The following SND1 variants were observed in gnomAD, a reference collection of about 807,000 sequenced individuals.
SND1 encodes the protein staphylococcal nuclease domain-containing protein 1.
Under a neutral mutation model 121.7 loss-of-function variants are expected in SND1, and 38 were observed. The observed-to-expected ratio is 0.31, with a 90% confidence interval of 0.24 to 0.41. SND1 has a LOEUF of 0.41. Among genes scored for constraint, SND1 ranks in the 10% least tolerant of loss-of-function variants. The pLI is 1.00. For synonymous variants in SND1, 401 were observed against 447.4 expected (o/e 0.90, Z 1.31); for missense variants, 868 against 1,184.6 (o/e 0.73, Z 3.92).
chr7:127,797,199 G>T (rs1040267811), intron 10 of SND1, among the ~76,000 whole-genome samples: 1 of 152,078 alleles, frequency 6.6e-6, no homozygotes, highest in African/African-American at 2.4e-5. Flanking sequence ...GGGCTATTTT[G>T]CTGATTCTTA....
intron 10 of SND1, among the ~76,000 whole-genome samples, chr7:127,802,617 C>A (rs545936605): frequency 6.6e-6 from 1 of 152,314 alleles, no homozygotes; most frequent in East Asian, 1.9e-4. Flanking sequence ...ATATTCATGA[C>A]CTTTTAATGT....
Position 127,910,569 on chromosome 7 carries a change from A to G in SND1, c.1527+5750A>G, listed in dbSNP as rs145795717. Reference sequence around the variant, plus strand: ...TCTGTGTTAAATTGCAGTTTTTCTTATATGTTTTCTGGCCCACCTAGTTTA... The same window carrying G: ...TCTGTGTTAAATTGCAGTTTTTCTTGTATGTTTTCTGGCCCACCTAGTTTA... On this transcript the variant is annotated intron_variant, in intron 14 of 23. Transcript: ENST00000354725. Among the ~76,000 whole-genome samples, 966 of 152,230 alleles carry G rather than the reference A, an allele frequency of 6.3e-3. 7 individuals are homozygous for G. The highest frequency in any genetic ancestry group is 0.02 in the Middle Eastern group (6 of 294).
chr7:127,949,729 C>A (rs1801418732), intron 15 of SND1, among the ~76,000 whole-genome samples: 1 of 152,150 alleles, frequency 6.6e-6, no homozygotes. Context: ...AAGCTGCCTC[C>A]CAGCTTGGAT....
chr7:128,031,993 G>A (rs1380300395), intron 16 of SND1: 7 of 149,032 alleles, frequency 4.7e-5, no homozygotes, highest in Admixed American at 4.6e-4. Flanking sequence ...GCAGCAGCGG[G>A]GCCCCTGCGC....
intron 1 of SND1, among the ~76,000 whole-genome samples, chr7:127,680,579 T>C (rs575350965): frequency 4.6e-5 from 7 of 152,158 alleles, no homozygotes; most frequent in South Asian, 2.1e-4. Flanking sequence ...AAGAGAAATA[T>C]GGCTCTGTTC....
intron 10 of SND1, among the ~76,000 whole-genome samples, chr7:127,784,334 C>A (rs982178949): frequency 1.3e-5 from 2 of 152,170 alleles, no homozygotes; most frequent in Non-Finnish European, 2.9e-5. Context: ...TAACTTGTCC[C>A]CTGGCTCCCT....
At chr7:128,000,505 C>A (rs1394560815) in intron 16 of SND1, among the ~76,000 whole-genome samples, 1 of 151,808 alleles carries the variant, frequency 6.6e-6, no homozygotes, top group South Asian at 2.1e-4. Flanking sequence ...GTAGGTAGGA[C>A]TACAGGCCCG....
intron 2 of SND1, among the ~76,000 whole-genome samples, chr7:127,688,483 T>C (rs7783478): frequency 0.19 from 29,040 of 149,614 alleles, 2,990 homozygotes; most frequent in African/African-American, 0.27. Flanking sequence ...TGAGTGGGGA[T>C]GATTGCTTGA....
intron 16 of SND1, among the ~76,000 whole-genome samples, chr7:128,033,945 A>G (rs886671932): frequency 7.2e-5 from 11 of 152,198 alleles, no homozygotes; most frequent in African/African-American, 2.4e-4. Context: ...TATCCACCAT[A>G]CCAAGAACTT....
rs190171278 is a variant in SND1 at position 127,931,037 on chromosome 7, G to T, written c.1669+1708G>T. On this transcript the variant is annotated intron_variant, in intron 15 of 23. Coordinates refer to ENST00000354725, the MANE Select transcript of SND1 (RefSeq NM_014390.4). The stretch of plus-strand genomic sequence containing the variant: ...GTTATTATTTCAATTGTTTCGGGTC[G>T]CCATGAACCACAGTCATATAAGATG... 1.2e-3 allele frequency among the ~76,000 whole-genome samples: 179 copies of T among 152,102 alleles called. 1 individual carries two copies. The highest frequency in any genetic ancestry group is 4.2e-3 in the African/African-American group (176 of 41,504).
chr7:127,898,221 TG>T (rs1800157358), intron 13 of SND1, among the ~76,000 whole-genome samples: 1 of 152,144 alleles, frequency 6.6e-6, no homozygotes, highest in African/African-American at 2.4e-5. Context: ...GACGAGATGA[TG>T]ACCTAGAGTT....
At chr7:127,737,553 C>T (rs556931195) in intron 10 of SND1, among the ~76,000 whole-genome samples, 3 of 152,156 alleles carry the variant, frequency 2.0e-5, no homozygotes, top group East Asian at 1.9e-4. Flanking sequence ...CCAGCCTGGG[C>T]GATAAGAATG....
Position 127,879,484 on chromosome 7 carries a change from G to C in SND1, c.1344-8418G>C, listed in dbSNP as rs1050976684. On this transcript the variant is annotated intron_variant, in intron 12 of 23. Coordinates refer to ENST00000354725, the MANE Select transcript of SND1 (RefSeq NM_014390.4). The stretch of plus-strand genomic sequence containing the variant: ...TTCAGTCTTCTGAGCTTTCCACCCT[G>C]TTGTTGAATCCTGTGGTGACCTTCC... Among the ~76,000 whole-genome samples the C allele has an allele frequency of 2.6e-5, 4 of 152,218 alleles. No individual in the cohort carries two copies. The South Asian group carries it at 8.3e-4, about 32-fold the overall frequency.
chr7:128,037,666 C>A (rs1792774645), intron 16 of SND1, among the ~76,000 whole-genome samples: 1 of 152,100 alleles, frequency 6.6e-6, no homozygotes. Flanking sequence ...CTTCCCTATA[C>A]CTGTGCCTGT....
intron 16 of SND1, chr7:128,030,452 G>C: frequency 1.9e-6 from 3 of 1,613,722 alleles, no homozygotes; most frequent in Non-Finnish European, 2.5e-6. Flanking sequence ...AGAGGCCCCG[G>C]CGCGTGCACA....
intron 16 of SND1, among the ~76,000 whole-genome samples, chr7:128,019,472 G>A (rs1319028675): frequency 6.6e-6 from 1 of 152,154 alleles, no homozygotes; most frequent in Non-Finnish European, 1.5e-5. Context: ...ATTATTGGAG[G>A]GGACCGGTCT....
rs576622173 is a variant in SND1 at position 127,699,047 on chromosome 7, G to A, written c.428+94G>A. ...CCCCCAGACATGGGTAACTGCAGGG[G>A]CTTTCACACCTTCGCGGACATTCTT... On this transcript the variant is annotated intron_variant, in intron 4 of 23. Coordinates refer to ENST00000354725, the MANE Select transcript of SND1 (RefSeq NM_014390.4). 5.7e-5 allele frequency: 54 copies of A among 948,380 alleles called. No homozygotes were observed. In the East Asian group the frequency reaches 1.3e-3, roughly 23 times the overall value. The allele number at this position is 948,380 out of a possible 1,614,324, so 58.7% of individuals were successfully genotyped here.
chr7:127,812,575 CT>C (rs148298622), intron 11 of SND1, among the ~76,000 whole-genome samples: 6 of 152,004 alleles, frequency 3.9e-5, no homozygotes, highest in Non-Finnish European at 7.4e-5. Flanking sequence ...ACAGGTGTTG[CT>C]TTTTTTTATC....
chr7:127,981,105 C>T (rs1342386600), intron 15 of SND1, among the ~76,000 whole-genome samples: 1 of 152,212 alleles, frequency 6.6e-6, no homozygotes, highest in Non-Finnish European at 1.5e-5. Flanking sequence ...TAGATGCTGT[C>T]TGCACAGTGC....
Sources: allele counts gnomAD v4.1 joint callset (sites outside exome capture counted in the v4.1 genomes callset), GRCh38; gene constraint gnomAD v4.1.1; transcripts MANE v1.5; gene names NCBI Gene and HGNC (gene_info 2026-07-23, HGNC 2026-07-21).